The following CUX1 variants were observed in gnomAD, a reference collection of about 807,000 sequenced individuals.
The protein encoded by CUX1 is protein CASP.
A neutral mutation model predicts 158.8 loss-of-function variants in CUX1; 31 were observed. That is an observed-to-expected ratio of 0.20 (90% CI 0.15 to 0.26). CUX1 has a LOEUF of 0.26. Ranked by LOEUF, CUX1 falls within the 10% of genes least tolerant of loss-of-function variation. The pLI is 1.00. For synonymous variants in CUX1, 879 were observed against 862.1 expected, an observed-to-expected ratio of 1.02 and a Z score of -0.34; for missense variants, 1,589 against 2,014.6, an observed-to-expected ratio of 0.79 and a Z score of 4.04.
chr7:101,914,279 G>A (rs1185880456), intron 1 of CUX1, among the ~76,000 whole-genome samples: 1 of 151,890 alleles, frequency 6.6e-6, no homozygotes, highest in East Asian at 1.9e-4. Flanking sequence ...TGCCTGGTTT[G>A]TTGTTTTATT....
At position 102,083,191 on chromosome 7, in the gene CUX1, C is replaced by T. The variant is rs577026650; in HGVS notation, c.268+12774C>T. 1.0e-3 allele frequency among the ~76,000 whole-genome samples: 153 copies of T among 147,370 alleles called. 19 individuals are homozygous for T. The highest frequency in any genetic ancestry group is 8.3e-3 in the South Asian group (38 of 4,606). On this transcript the variant is annotated intron_variant, in intron 4 of 23. Coordinates refer to ENST00000292535, the MANE Select transcript of CUX1 (RefSeq NM_181552.4). ...TAATTTTAGACATTCCTAGTGAATG[C>T]GTAATGTATTTCACAACGATTTTAG...
At chr7:102,014,395 A>G (rs1383319485) in intron 2 of CUX1, among the ~76,000 whole-genome samples, 1 of 152,214 alleles carries the variant, frequency 6.6e-6, no homozygotes, top group African/African-American at 2.4e-5. Flanking sequence ...ATAGAGATCA[A>G]TACAAATTAG....
In CUX1 at chr7:102,132,680, C is replaced by CTTT. The variant is rs1174779466; in HGVS notation, c.674+17424_674+17426dup. 5.9e-3 allele frequency among the ~76,000 whole-genome samples: 681 copies of CTTT among 115,148 alleles called. 31 individuals are homozygous for CTTT. Among genetic ancestry groups the CTTT allele is most frequent in the African/African-American group, 7.4e-3 (212 of 28,618 alleles). 75.5% of individuals were successfully genotyped at this position (115,148 alleles called of 152,430 possible). ...TTTTAATTTGTTTTTCTTTGCTTTT[C>CTTT]TTTTTTTTTTTTTTTTTTTGAGACA... On this transcript the variant is annotated intron_variant, in intron 8 of 23. Coordinates refer to ENST00000292535, the MANE Select transcript of CUX1 (RefSeq NM_181552.4).
At chr7:101,988,139 G>T (rs1279893762) in intron 2 of CUX1, among the ~76,000 whole-genome samples, 3 of 152,086 alleles carry the variant, frequency 2.0e-5, no homozygotes, top group Non-Finnish European at 4.4e-5. Flanking sequence ...TTGAACCCGG[G>T]AGGCAGAGGT....
chr7:102,162,446 G>A (rs879967625), intron 9 of CUX1, among the ~76,000 whole-genome samples: 11 of 152,054 alleles, frequency 7.2e-5, no homozygotes, highest in South Asian at 2.1e-4. Flanking sequence ...GGGTTCAAGC[G>A]ATTCTCCTGC....
At chr7:102,088,609 G>C (rs1828193694) in intron 4 of CUX1, among the ~76,000 whole-genome samples, 1 of 152,126 alleles carries the variant, frequency 6.6e-6, no homozygotes, top group Non-Finnish European at 1.5e-5. Flanking sequence ...ACTCCAGCCT[G>C]GGTGACAGAG....
chr7:102,116,375 TC>T (rs1245662304), intron 8 of CUX1, among the ~76,000 whole-genome samples: 3 of 152,116 alleles, frequency 2.0e-5, no homozygotes, highest in African/African-American at 7.2e-5. Flanking sequence ...GACTAAAACA[TC>T]ACCACTAGAT....
At chr7:101,837,804 C>A (rs186078171) in intron 1 of CUX1, among the ~76,000 whole-genome samples, 1 of 122,660 alleles carries the variant, frequency 8.2e-6, no homozygotes, top group African/African-American at 3.2e-5. Context: ...GCATTCCAGC[C>A]TGGGTGACAG....
chr7:102,209,280 C>T (rs562855549), intron 20 of CUX1, among the ~76,000 whole-genome samples: 2 of 152,290 alleles, frequency 1.3e-5, no homozygotes, highest in East Asian at 1.9e-4. Flanking sequence ...ATCACTTTTT[C>T]CTCTTGGTGG....
chr7:102,165,833 A>G (rs1288608844), intron 9 of CUX1, among the ~76,000 whole-genome samples: 1 of 151,982 alleles, frequency 6.6e-6, no homozygotes, highest in Non-Finnish European at 1.5e-5. Context: ...CAGCCCAGGG[A>G]GCAGAAAAGC....
intron 3 of CUX1, among the ~76,000 whole-genome samples, chr7:102,044,183 G>GT (rs566716762): frequency 5.7e-4 from 86 of 150,414 alleles, no homozygotes; most frequent in Admixed American, 2.2e-3. Context: ...CCCATTTTCC[G>GT]TTTTTTTGTT....
intron 1 of CUX1, among the ~76,000 whole-genome samples, chr7:101,891,037 G>A (rs1800826725): frequency 6.6e-6 from 1 of 151,814 alleles, no homozygotes; most frequent in Non-Finnish European, 1.5e-5. Flanking sequence ...GTCACATTTT[G>A]AATACTTCTC....
At chr7:101,816,116 C>G (rs1315443158), upstream of CUX1, 1 of 1,321,704 alleles carries the variant, frequency 7.6e-7, no homozygotes, top group Admixed American at 2.2e-5. Context: ...CGCGCTCGGC[C>G]TCGCGCCCGG....
At chr7:101,981,916 C>T (rs1309393824) in intron 2 of CUX1, among the ~76,000 whole-genome samples, 1 of 152,236 alleles carries the variant, frequency 6.6e-6, no homozygotes, top group East Asian at 1.9e-4. Flanking sequence ...GGCCAGGTTT[C>T]AAGTCTTGAC....
At chr7:101,882,409 T>C (rs180797287) in intron 1 of CUX1, among the ~76,000 whole-genome samples, 5 of 152,222 alleles carry the variant, frequency 3.3e-5, no homozygotes, top group Admixed American at 1.3e-4. Context: ...TTCAGAGACC[T>C]ACCCTCCTGG....
chr7:101,958,844 CTTTTTTT>C (rs10667965), intron 2 of CUX1, among the ~76,000 whole-genome samples: 1 of 65,816 alleles, frequency 1.5e-5, no homozygotes, highest in Non-Finnish European at 2.7e-5. Context: ...AGATGATGCC[CTTTTTTT>C]TTTTTTTTTT....
rs1324974117 is a variant in CUX1 at position 102,201,725 on chromosome 7, G to A, written c.2428G>A (p.Val810Met). ...TTGTGCACAAGGGGTCCTGAGACAG[G>A]TGAAAAATGAGGTGGGCCGCAGCGG... Reference protein sequence around the residue: ...ADCAQGVLRQVKNEVGRSGAW... With the variant: ...ADCAQGVLRQMKNEVGRSGAW... Residue 810 changes from valine (V) to methionine (M), a missense_variant, in exon 18 of 24, where the codon GTG becomes ATG. Physicochemically the swap from Val to Met is conservative, Grantham distance 21. Around this residue, in one of 8 missense-constraint regions of CUX1, gnomAD observed 337 missense variants for 409.3 expected, o/e 0.82. Transcript: ENST00000292535. This position sits in a 1 kb window ranked among gnomAD's most constrained non-coding sequence, Gnocchi z 5.0. 1 of 1,612,626 alleles carries A rather than the reference G, an allele frequency of 6.2e-7. No individual in the cohort carries two copies. The highest frequency in any genetic ancestry group is 8.5e-7 in the Non-Finnish European group (1 of 1,179,916).
Position 102,278,067 on chromosome 7 carries a change from T to C in CUX1, c.1680+2T>C. 3 of 1,602,166 alleles carry C rather than the reference T, an allele frequency of 1.9e-6. No individual in the cohort carries two copies. Among genetic ancestry groups the C allele is most frequent in the African/African-American group, 1.3e-5 (1 of 74,604 alleles). On this transcript the variant is annotated splice_donor_variant, in intron 18 of 22. Coordinates refer to the CUX1 transcript ENST00000292538. LOFTEE classifies it high-confidence loss of function. ...TTCCTGCAGAGCTACCCTGGCCGGG[T>C]GAGGGCCCTCCCCTGGCCTCAGCTC...
Position 102,201,231 on chromosome 7 carries a change from C to A in CUX1, c.2063-129C>A. ...GAATGTTTCACTGACAGGGGCCATG[C>A]TGGGGAAATACACAGTGTGGTTCTC... is the stretch of plus-strand genomic sequence containing the variant. On this transcript the variant is annotated intron_variant, in intron 17 of 23. Coordinates refer to ENST00000292535, the MANE Select transcript of CUX1 (RefSeq NM_181552.4). This position sits in a 1 kb window ranked among gnomAD's most constrained non-coding sequence, Gnocchi z 5.0. The A allele has an allele frequency of 7.4e-7, 1 of 1,357,346 alleles. No homozygotes were observed. 84.1% of individuals were successfully genotyped at this position (1,357,346 alleles called of 1,614,324 possible). A position where few individuals can be genotyped will look rare whatever the true frequency, so the allele number is the denominator to read the frequency against.
Sources: allele counts gnomAD v4.1 joint callset (sites outside exome capture counted in the v4.1 genomes callset), GRCh38; gene constraint gnomAD v4.1.1; regional missense constraint gnomAD v4.1.1; non-coding constraint Gnocchi (gnomAD v3.1); transcripts MANE v1.5; gene names NCBI Gene and HGNC (gene_info 2026-07-23, HGNC 2026-07-21).